Variants in SORCS1 observed in about 807,000 individuals in gnomAD.
SORCS1 encodes VPS10 domain-containing receptor SorCS1.
Under a neutral mutation model 146.1 loss-of-function variants are expected in SORCS1, and 60 were observed. The observed-to-expected ratio is 0.41, with a 90% CI of 0.33 to 0.51. The LOEUF is 0.51. SORCS1 is among the 20% of genes least tolerant of loss of function. The probability of loss-of-function intolerance (pLI) is 0.21; values close to 1 mark genes in which losing one functional copy is unlikely to be tolerated. For missense variants in SORCS1, 1,352 were observed against 1,487.6 expected (o/e 0.91, Z 1.50); for synonymous variants, 637 against 584.0 (o/e 1.09, Z -1.31).
chr10:107,073,796 T>C (rs189914366), intron 1 of SORCS1, among the ~76,000 whole-genome samples: 2 of 152,208 alleles, frequency 1.3e-5, no homozygotes, highest in East Asian at 3.9e-4. Context: ...CATGTGGCAC[T>C]ATGGACACCA....
At chr10:106,911,638 G>A (rs991338858) in intron 2 of SORCS1, among the ~76,000 whole-genome samples, 1 of 152,002 alleles carries the variant, frequency 6.6e-6, no homozygotes. Flanking sequence ...GGCATTTCTC[G>A]GCTGATCCAA....
intron 8 of SORCS1, among the ~76,000 whole-genome samples, chr10:106,703,854 C>T (rs1205414591): frequency 6.6e-6 from 1 of 152,092 alleles, no homozygotes; most frequent in African/African-American, 2.4e-5. Flanking sequence ...AATAAACATC[C>T]ACCCGGACTA....
intron 3 of SORCS1, among the ~76,000 whole-genome samples, chr10:106,828,568 G>A (rs543896455): frequency 6.6e-6 from 1 of 152,244 alleles, no homozygotes; most frequent in East Asian, 1.9e-4. Flanking sequence ...TGAGAACATA[G>A]ACATCAGTGC....
At position 107,152,055 on chromosome 10, in the gene SORCS1, G is replaced by T. The variant is rs902140099; in HGVS notation, c.558+11914C>A. ...CTGCTCTGTGCAGCCTCAGGATATG[G>T]TGCCCTGCATCCCAGCTGCTTCAGC... On this transcript the variant is annotated intron_variant, in intron 1 of 25. Coordinates refer to ENST00000263054, the MANE Select transcript of SORCS1 (RefSeq NM_052918.5). Among the ~76,000 whole-genome samples, 10 of 152,266 alleles carry T rather than the reference G, an allele frequency of 6.6e-5. No individual in the cohort carries two copies. In the East Asian group the frequency reaches 9.7e-4, roughly 15 times the overall value.
At chr10:107,075,578 C>T (rs1962805715) in intron 1 of SORCS1, among the ~76,000 whole-genome samples, 1 of 152,084 alleles carries the variant, frequency 6.6e-6, no homozygotes, top group Non-Finnish European at 1.5e-5. Flanking sequence ...TTCACAAACA[C>T]AGAAATGTAT....
At chr10:106,836,856 G>A (rs879186388) in intron 2 of SORCS1, among the ~76,000 whole-genome samples, 1 of 152,162 alleles carries the variant, frequency 6.6e-6, no homozygotes, top group East Asian at 1.9e-4. Flanking sequence ...AAGTGATTGG[G>A]CTCAACCAGT....
chr10:107,152,749 T>C (rs938922680), intron 1 of SORCS1, among the ~76,000 whole-genome samples: 1 of 152,234 alleles, frequency 6.6e-6, no homozygotes, highest in African/African-American at 2.4e-5. Flanking sequence ...ATTAAACCTC[T>C]TTCCTTTAAA....
intron 16 of SORCS1, 35 bp downstream of exon 16, chr10:106,671,202 C>A: frequency 1.2e-6 from 2 of 1,613,046 alleles, no homozygotes; most frequent in South Asian, 1.1e-5. Context: ...ATTTGATACA[C>A]CAAATGGCTC....
chr10:107,162,215 G>C (rs76205976), intron 1 of SORCS1, among the ~76,000 whole-genome samples: 7,037 of 152,258 alleles, frequency 0.046, 216 homozygotes, highest in Non-Finnish European at 0.075. Flanking sequence ...TCTAATGGGT[G>C]AGTGATATTT....
chr10:106,835,081 T>C lies in SORCS1; in HGVS notation c.627-5408A>G, dbSNP rs147489518. Among the ~76,000 whole-genome samples the C allele has an allele frequency of 6.8e-4, 103 of 152,328 alleles. 3 individuals carry two copies. The East Asian group carries it at 0.019, about 28-fold the overall frequency. On this transcript the variant is annotated intron_variant, in intron 2 of 25. Transcript: ENST00000263054. ...ACTGTATACACAGAGCTGAAATAAG[T>C]CGCTCTGTGGAGTTCAGAAACCACC...
At position 106,923,079 on chromosome 10, in the gene SORCS1, C is replaced by T. The variant is rs576649981; in HGVS notation, c.626+33434G>A. 1.1e-4 allele frequency among the ~76,000 whole-genome samples: 16 copies of T among 152,142 alleles called. 1 individual carries two copies. In the South Asian group the frequency reaches 3.1e-3, roughly 30 times the overall value. On this transcript the variant is annotated intron_variant, in intron 2 of 25. Coordinates refer to ENST00000263054, the MANE Select transcript of SORCS1 (RefSeq NM_052918.5). ...CTAATTTTTGTACTTTTAGTAGAGACGGGGTTTCACGATGTTGGCCAGGAT... is the reference window on the plus strand; with the variant it reads ...CTAATTTTTGTACTTTTAGTAGAGATGGGGTTTCACGATGTTGGCCAGGAT...
intron 3 of SORCS1, among the ~76,000 whole-genome samples, chr10:106,818,859 C>A (rs1947875113): frequency 6.6e-6 from 1 of 152,172 alleles, no homozygotes; most frequent in African/African-American, 2.4e-5. Context: ...ATATTTGCAT[C>A]TCTGTGAAAC....
chr10:106,985,016 C>T (rs927618440), intron 1 of SORCS1, among the ~76,000 whole-genome samples: 9 of 151,916 alleles, frequency 5.9e-5, no homozygotes, highest in African/African-American at 1.2e-4. Context: ...GGTGAAACCC[C>T]GTCTCTACTG....
chr10:106,734,534 G>A (rs991919183), intron 5 of SORCS1, among the ~76,000 whole-genome samples: 3 of 152,158 alleles, frequency 2.0e-5, no homozygotes, highest in Admixed American at 6.5e-5. Context: ...GCACCTGCAT[G>A]CCACAGATAG....
chr10:106,642,883 AT>A lies in SORCS1; in HGVS notation c.2475+9498del, dbSNP rs1354983134. Among the ~76,000 whole-genome samples, 6 of 152,272 alleles carry A rather than the reference AT, an allele frequency of 3.9e-5. No individual in the cohort carries two copies. The East Asian group carries it at 1.2e-3, about 29-fold the overall frequency. On this transcript the variant is annotated intron_variant, in intron 18 of 25. Transcript: ENST00000263054. Reference sequence around the variant, plus strand: ...TATTCTCAGAGAAGCCAGGAGGAAAATTTTGGTAGATTTATTGATTAGTGTC... The same window carrying A: ...TATTCTCAGAGAAGCCAGGAGGAAAATTTGGTAGATTTATTGATTAGTGTC...
chr10:106,673,464 T>C (rs774248690), intron 14 of SORCS1, among the ~76,000 whole-genome samples: 1 of 152,096 alleles, frequency 6.6e-6, no homozygotes, highest in Non-Finnish European at 1.5e-5. Flanking sequence ...ACTTCGCAGA[T>C]AGATAATATG....
Position 106,967,896 on chromosome 10 carries a change from G to C in SORCS1, c.559-11316C>G, listed in dbSNP as rs552632778. On this transcript the variant is annotated intron_variant, in intron 1 of 25. Transcript: ENST00000263054. Reference sequence around the variant, plus strand: ...TTATTGTATTATCTTCTCTCTGAAAGTCTATTAAAAAAAAAAAGACAAAAA... The same window carrying C: ...TTATTGTATTATCTTCTCTCTGAAACTCTATTAAAAAAAAAAAGACAAAAA... 5.3e-5 allele frequency among the ~76,000 whole-genome samples: 8 copies of C among 151,650 alleles called. No homozygotes were observed. In the South Asian group the frequency reaches 1.5e-3, roughly 28 times the overall value.
intron 1 of SORCS1, among the ~76,000 whole-genome samples, chr10:107,151,274 A>AC (rs1190079247): frequency 6.6e-6 from 1 of 152,218 alleles, no homozygotes; most frequent in Non-Finnish European, 1.5e-5. Context: ...GCTGATAGTG[A>AC]CATGGACAAT....
intron 2 of SORCS1, among the ~76,000 whole-genome samples, chr10:106,909,767 C>A (rs1952061294): frequency 6.6e-6 from 1 of 152,204 alleles, no homozygotes; most frequent in Non-Finnish European, 1.5e-5. Flanking sequence ...TGGACCTCCA[C>A]TGTCCATGAA....
Sources: allele counts gnomAD v4.1 joint callset (sites outside exome capture counted in the v4.1 genomes callset), GRCh38; gene constraint gnomAD v4.1.1; transcripts MANE v1.5; gene names NCBI Gene and HGNC (gene_info 2026-07-23, HGNC 2026-07-21).